ASTN2: variants seen among roughly 807,000 people sequenced by gnomAD.
ASTN2 encodes astrotactin-2.
A neutral mutation model predicts 139.8 loss-of-function variants in ASTN2; 54 were observed. The ratio of observed to expected loss-of-function variants is 0.39; its 90% CI spans 0.31 to 0.48. The LOEUF is 0.48. Among genes scored for constraint, ASTN2 ranks in the 20% least tolerant of loss-of-function variants. The probability of loss-of-function intolerance (pLI) is 0.95; values close to 1 mark genes in which losing one functional copy is unlikely to be tolerated. For synonymous variants in ASTN2, 756 were observed against 719.5 expected (o/e 1.05, Z -0.81); for missense variants, 1,565 against 1,725.1 (o/e 0.91, Z 1.64).
chr9:117,081,500 C>T (rs1828427145), intron 5 of ASTN2, among the ~76,000 whole-genome samples: 1 of 152,134 alleles, frequency 6.6e-6, no homozygotes, highest in Non-Finnish European at 1.5e-5. Flanking sequence ...CTGTATACTC[C>T]CCTTAATGTG....
chr9:116,601,545 C>T (rs572090316), intron 19 of ASTN2, among the ~76,000 whole-genome samples: 46 of 151,494 alleles, frequency 3.0e-4, no homozygotes, highest in Admixed American at 1.1e-3. Flanking sequence ...GATTAGGCAA[C>T]GGAAATAAAA....
At chr9:116,490,369 G>A (rs1849481053) in intron 19 of ASTN2, among the ~76,000 whole-genome samples, 1 of 149,430 alleles carries the variant, frequency 6.7e-6, no homozygotes, top group Admixed American at 6.9e-5. Context: ...ACTAGATGGA[G>A]TGAGGGTCTT....
At chr9:117,081,176 C>T (rs935010182) in intron 5 of ASTN2, among the ~76,000 whole-genome samples, 5 of 152,194 alleles carry the variant, frequency 3.3e-5, no homozygotes, top group Non-Finnish European at 7.3e-5. Context: ...ATGCTGAATG[C>T]CTTGCATTGT....
intron 17 of ASTN2, among the ~76,000 whole-genome samples, chr9:116,634,589 CAAAAAAAAA>C (rs57882262): frequency 0.017 from 1,779 of 104,176 alleles, 30 homozygotes; most frequent in African/African-American, 0.05. Flanking sequence ...GACTCCGTCT[CAAAAAAAAA>C]AAAAAAAAAA....
At chr9:117,277,875 T>C (rs1490102986) in intron 2 of ASTN2, among the ~76,000 whole-genome samples, 1 of 152,224 alleles carries the variant, frequency 6.6e-6, no homozygotes, top group Non-Finnish European at 1.5e-5. Context: ...TGGTAAGTGC[T>C]CGGTATTATT....
At chr9:116,635,904 G>A (rs997504700) in intron 17 of ASTN2, among the ~76,000 whole-genome samples, 1 of 152,114 alleles carries the variant, frequency 6.6e-6, no homozygotes, top group Non-Finnish European at 1.5e-5. Flanking sequence ...GTTTCCAAGG[G>A]GCTGAGAAAT....
intron 3 of ASTN2, among the ~76,000 whole-genome samples, chr9:117,163,136 G>A (rs1830590974): frequency 6.6e-6 from 1 of 152,052 alleles, no homozygotes; most frequent in Non-Finnish European, 1.5e-5. Flanking sequence ...AAGTAGGGGA[G>A]GAGGTAAGTG....
At chr9:117,322,109 G>C (rs1417653136) in intron 1 of ASTN2, among the ~76,000 whole-genome samples, 1 of 138,722 alleles carries the variant, frequency 7.2e-6, no homozygotes, top group African/African-American at 2.6e-5. Context: ...AGCCTTTATT[G>C]CTCCATAATT....
chr9:117,350,414 G>A (rs961890893), intron 1 of ASTN2, among the ~76,000 whole-genome samples: 5 of 152,018 alleles, frequency 3.3e-5, no homozygotes, highest in Non-Finnish European at 7.4e-5. Flanking sequence ...GCCAAGCGTG[G>A]TCGTGGGCAC....
chr9:116,970,751 C>A (rs1836171336), intron 10 of ASTN2, among the ~76,000 whole-genome samples: 1 of 152,136 alleles, frequency 6.6e-6, no homozygotes, highest in African/African-American at 2.4e-5. Context: ...ACTCTGATAT[C>A]CCATTATTCT....
Position 117,117,993 on chromosome 9 carries a change from A to C in ASTN2, c.1169-21842T>G, listed in dbSNP as rs79839112. On this transcript the variant is annotated intron_variant, in intron 4 of 22. Transcript: ENST00000313400. ...CGTTATATTAAAAAAATAAATAAAT[A>C]AATCCTGACCTCTTCACAAACCCAA... Among the ~76,000 whole-genome samples, 1,257 of 152,178 alleles carry C rather than the reference A, an allele frequency of 8.3e-3. 6 individuals are homozygous for C. Among genetic ancestry groups the C allele is most frequent in the Non-Finnish European group, 0.014 (943 of 68,012 alleles).
chr9:117,274,888 C>A (rs1432399449), intron 2 of ASTN2, among the ~76,000 whole-genome samples: 1 of 152,212 alleles, frequency 6.6e-6, no homozygotes, highest in Non-Finnish European at 1.5e-5. Context: ...CCTTAAAGGC[C>A]ATATCTCCTA....
In ASTN2 at chr9:116,853,045, T is replaced by C. The variant is rs548316570; in HGVS notation, c.2040+10538A>G. On this transcript the variant is annotated intron_variant, in intron 11 of 22. Transcript: ENST00000313400. ...CGAAGAAACACAACTGTATGCTTTT[T>C]ATGCTTCCATTTTTAAAATTACATA... Among the ~76,000 whole-genome samples the C allele has an allele frequency of 5.3e-5, 8 of 152,306 alleles. No individual in the cohort carries two copies. In the South Asian group the frequency reaches 1.7e-3, roughly 32 times the overall value.
At chr9:117,130,029 A>AT (rs1829790806) in intron 4 of ASTN2, among the ~76,000 whole-genome samples, 1 of 152,200 alleles carries the variant, frequency 6.6e-6, no homozygotes, top group African/African-American at 2.4e-5. Flanking sequence ...TCACAGGGCC[A>AT]GGCATGGTGG....
intron 3 of ASTN2, among the ~76,000 whole-genome samples, chr9:117,196,617 C>T (rs1831511997): frequency 6.6e-6 from 1 of 152,174 alleles, no homozygotes; most frequent in African/African-American, 2.4e-5. Context: ...CTTCTGCCTC[C>T]ACCCTAGATT....
intron 10 of ASTN2, among the ~76,000 whole-genome samples, chr9:116,880,838 G>C (rs1005129232): frequency 1.3e-5 from 2 of 152,128 alleles, no homozygotes; most frequent in African/African-American, 4.8e-5. Context: ...GCACTCACAG[G>C]TGCTGAGACA....
At chr9:117,061,035 G>T (rs920399050) in intron 5 of ASTN2, among the ~76,000 whole-genome samples, 2 of 152,190 alleles carry the variant, frequency 1.3e-5, no homozygotes, top group African/African-American at 2.4e-5. Context: ...ATACCACTGG[G>T]TTGGAATCAT....
At chr9:117,260,944 C>T (rs904556178) in intron 2 of ASTN2, among the ~76,000 whole-genome samples, 5 of 152,196 alleles carry the variant, frequency 3.3e-5, no homozygotes, top group African/African-American at 1.2e-4. Context: ...TACTCCATAA[C>T]TCTTTTGTGA....
At chr9:116,644,148 G>C (rs924767789) in intron 17 of ASTN2, among the ~76,000 whole-genome samples, 1 of 152,152 alleles carries the variant, frequency 6.6e-6, no homozygotes, top group Admixed American at 6.5e-5. Flanking sequence ...AATAACTGGG[G>C]GAGGGGGTGA....
Sources: gnomAD v4.1 joint callset for allele counts (sites outside exome capture counted in the v4.1 genomes callset) on GRCh38, gnomAD v4.1.1 for gene constraint, MANE v1.5 for transcripts, NCBI Gene and HGNC (gene_info 2026-07-23, HGNC 2026-07-21) for gene names.